The following ANLN variants were observed in gnomAD, a reference collection of about 807,000 sequenced individuals.
The protein encoded by ANLN is anillin, actin binding protein, also known as anillin.
A neutral mutation model predicts 135.1 loss-of-function variants in ANLN; 59 were observed. That is an observed-to-expected ratio of 0.44 (90% confidence interval 0.35 to 0.54). The LOEUF (loss-of-function observed/expected upper bound fraction) is 0.54. Ranked by LOEUF, ANLN falls within the 20% of genes least tolerant of loss-of-function variation. The pLI, the probability that ANLN is intolerant of heterozygous loss-of-function variation, is 0.00. For synonymous variants in ANLN, 406 were observed against 456.4 expected (o/e 0.89, Z 1.41); for missense variants, 1,182 against 1,340.0 (o/e 0.88, Z 1.84).
intron 1 of ANLN, 41 bp downstream of exon 1, chr7:36,390,085 T>A: frequency 1.2e-6 from 2 of 1,612,656 alleles, no homozygotes; most frequent in East Asian, 4.5e-5. Context: ...GACCCACCGC[T>A]CTAGGCCCCC....
chr7:36,425,242 A>C (rs181664779), intron 17 of ANLN, among the ~76,000 whole-genome samples: 2 of 151,928 alleles, frequency 1.3e-5, no homozygotes, highest in African/African-American at 4.8e-5. Context: ...ATATTTAAGA[A>C]TTAATTACTC....
chr7:36,451,951 T>C (rs549295030), intron 23 of ANLN, among the ~76,000 whole-genome samples: 18 of 152,282 alleles, frequency 1.2e-4, no homozygotes, highest in African/African-American at 4.1e-4. Flanking sequence ...GATCTTTTGA[T>C]AGTTTATTTT....
chr7:36,425,676 A>G (rs189923477), intron 17 of ANLN, 26 bp from the exon 18 acceptor site: 1,114 of 1,540,584 alleles, frequency 7.2e-4, no homozygotes, highest in Non-Finnish European at 9.3e-4. Context: ...TAAGAAATAT[A>G]TATAGTAAGC....
chr7:36,416,965 T>G (rs1013917094), intron 8 of ANLN, 115 bp from the exon 9 acceptor site: 2 of 594,318 alleles, frequency 3.4e-6, no homozygotes, highest in South Asian at 2.9e-5. Context: ...GTTTGGATAT[T>G]TTAAAACGAA....
intron 8 of ANLN, among the ~76,000 whole-genome samples, 184 bp from the exon 9 acceptor site, chr7:36,416,896 G>A (rs546088070): frequency 1.3e-5 from 2 of 151,520 alleles, no homozygotes; most frequent in East Asian, 2.0e-4. Flanking sequence ...GCAACCTCCA[G>A]CATAAATGGG....
At chr7:36,398,911 C>T (rs1583593837) in intron 2 of ANLN, among the ~76,000 whole-genome samples, 168 bp from the exon 3 acceptor site, 1 of 151,978 alleles carries the variant, frequency 6.6e-6, no homozygotes, top group East Asian at 1.9e-4. Context: ...TATCAGATTT[C>T]TAAGTTGCTG....
At chr7:36,446,998 A>G (rs1789029192) in intron 22 of ANLN, among the ~76,000 whole-genome samples, 2 of 152,190 alleles carry the variant, frequency 1.3e-5, no homozygotes, top group African/African-American at 4.8e-5. Flanking sequence ...GACGCGTTCC[A>G]AGACCGCCAG....
intron 22 of ANLN, 101 bp downstream of exon 22, chr7:36,443,963 T>C (rs2116803108): frequency 1.3e-6 from 1 of 782,458 alleles, no homozygotes; most frequent in Non-Finnish European, 2.0e-6. Flanking sequence ...CCCAAATTAA[T>C]AACCCTTTTT....
intron 22 of ANLN, 72 bp downstream of exon 22, chr7:36,443,934 C>T: frequency 9.8e-7 from 1 of 1,020,152 alleles, no homozygotes; most frequent in Non-Finnish European, 1.5e-6. Flanking sequence ...CAAATGTTCC[C>T]TCTGGCCCCC....
chr7:36,413,174 A>G (rs1327345465), intron 7 of ANLN, among the ~76,000 whole-genome samples: 1 of 151,876 alleles, frequency 6.6e-6, no homozygotes, highest in African/African-American at 2.4e-5. Flanking sequence ...ACAAGCTATT[A>G]TCTGCCATCT....
At chr7:36,398,183 T>TA (rs1316967448) in intron 2 of ANLN, among the ~76,000 whole-genome samples, 3 of 152,002 alleles carry the variant, frequency 2.0e-5, no homozygotes, top group Non-Finnish European at 2.9e-5. Context: ...TTTTTTTTTT[T>TA]AATTTTAGGG....
chr7:36,411,109 T>C lies in ANLN; in HGVS notation c.1338T>C (p.Asn446=), dbSNP rs754195457. 6 of 1,612,118 alleles carry C rather than the reference T, an allele frequency of 3.7e-6. No individual in the cohort carries two copies. The highest frequency in any genetic ancestry group is 3.4e-5 in the Admixed American group (2 of 59,336). The change falls in exon 7 of 24, where the codon AAT becomes AAC. Residue 446 remains asparagine, a synonymous_variant. Transcript: ENST00000265748. ...TTCGTGGCCGATTTGACAAGGGCAA[T>C]ATATGGAGTGCAGAAAAAGGCGGAA... ...ACLRGRFDKG[N]IWSAEKGGNS... is the part of the protein sequence containing the mutation.
Position 36,419,302 on chromosome 7 carries a change from A to T in ANLN, c.1692A>T (p.Val564=), listed in dbSNP as rs778086818. 8 of 1,614,168 alleles carry T rather than the reference A, an allele frequency of 5.0e-6. No homozygotes were observed. In the South Asian group the frequency reaches 7.7e-5, roughly 16 times the overall value. Residue 564 remains valine (V), a synonymous_variant, in exon 10 of 24, where the codon GTA becomes GTT. Coordinates refer to ENST00000265748, the MANE Select transcript of ANLN (RefSeq NM_018685.5). ...ATGATGATATCAATAGTTCGAAAGT[A>T]ATTAATGACCTCTTCAGTGATGTCC... The part of the protein sequence containing the change: ...VDDDDINSSK[V]INDLFSDVLE...
At chr7:36,398,939 A>T in intron 2 of ANLN, 140 bp from the exon 3 acceptor site, 2 of 653,452 alleles carry the variant, frequency 3.1e-6, no homozygotes, top group South Asian at 2.1e-5. Context: ...ATGGGGTTTT[A>T]CATACTTCTG....
Position 36,419,356 on chromosome 7 carries a change from G to A in ANLN, c.1746G>A (p.Lys582=). The change falls in exon 10 of 24, where the codon AAG becomes AAA. Residue 582 remains lysine (K), a synonymous_variant. Coordinates refer to ENST00000265748, the MANE Select transcript of ANLN (RefSeq NM_018685.5). ...VLEEGELDME[K]SQEEMDQALA... The stretch of plus-strand genomic sequence containing the variant: ...AGGAAGGTGAACTAGATATGGAGAA[G>A]AGCCAAGAGGAGATGGATCAAGCAT... 1 of 1,614,128 alleles carries A rather than the reference G, an allele frequency of 6.2e-7. No homozygotes were observed. Among genetic ancestry groups the A allele is most frequent in the Non-Finnish European group, 8.5e-7 (1 of 1,180,002 alleles).
intron 1 of ANLN, among the ~76,000 whole-genome samples, chr7:36,391,420 A>G (rs1170384763): frequency 6.6e-6 from 1 of 152,256 alleles, no homozygotes; most frequent in East Asian, 1.9e-4. Flanking sequence ...TTCTGAAGGT[A>G]GTACAAATCT....
rs991036086 is a variant in ANLN at position 36,411,100 on chromosome 7, C to T, written c.1329C>T (p.Asp443=). The T allele has an allele frequency of 1.5e-5, 24 of 1,611,316 alleles. No individual in the cohort carries two copies. The highest frequency in any genetic ancestry group is 4.5e-5 in the East Asian group (2 of 44,824). Residue 443 remains aspartate (D), a synonymous_variant, in exon 7 of 24, where the codon GAC becomes GAT. Coordinates refer to ENST00000265748, the MANE Select transcript of ANLN (RefSeq NM_018685.5). The stretch of plus-strand genomic sequence containing the variant: ...TAGCATGTCTTCGTGGCCGATTTGA[C>T]AAGGGCAATATATGGAGTGCAGAAA... The part of the protein sequence containing the change: ...KELACLRGRF[D]KGNIWSAEKG...
chr7:36,428,482 G>A (rs918089176), intron 20 of ANLN: 8 of 423,600 alleles, frequency 1.9e-5, no homozygotes, highest in African/African-American at 1.7e-4. Context: ...AGGACATTAT[G>A]TACATTATTC....
intron 7 of ANLN, among the ~76,000 whole-genome samples, chr7:36,414,557 A>G (rs563223086): frequency 6.6e-6 from 1 of 152,290 alleles, no homozygotes; most frequent in South Asian, 2.1e-4. Context: ...AGGGAAGGTG[A>G]CAGGGGAAAT....
Sources: allele counts gnomAD v4.1 joint callset (sites outside exome capture counted in the v4.1 genomes callset), GRCh38; gene constraint gnomAD v4.1.1; transcripts MANE v1.5; gene names NCBI Gene and HGNC (gene_info 2026-07-23, HGNC 2026-07-21).